The following UGT1A6 variants were observed in gnomAD, a reference collection of about 807,000 sequenced individuals.
UGT1A6 encodes the protein UDP glucuronosyltransferase family 1 member A6.
In UGT1A6, 32 loss-of-function variants were observed where a neutral mutation model predicts 44.4. The observed-to-expected ratio is 0.72, with a 90% CI of 0.54 to 0.97. The LOEUF is 0.97. Ranked by LOEUF, UGT1A6 falls within the 50% of genes least tolerant of loss-of-function variation. UGT1A6 has a pLI of 0.00. For missense variants in UGT1A6, 685 were observed against 661.9 expected (o/e 1.03, Z -0.38); for synonymous variants, 238 against 248.5 (o/e 0.96, Z 0.40).
chr2:233,772,134 T>C (rs1486740901), intron 4 of UGT1A6, 128 bp from the exon 5 acceptor site: 2 of 1,545,866 alleles, frequency 1.3e-6, no homozygotes, highest in Non-Finnish European at 1.7e-6. Flanking sequence ...ACAACAACAA[T>C]AATAGAAACA....
At chr2:233,701,299 TC>T (rs1695147734) in intron 1 of UGT1A6, among the ~76,000 whole-genome samples, 1 of 152,164 alleles carries the variant, frequency 6.6e-6, no homozygotes, top group Non-Finnish European at 1.5e-5. Context: ...CGCCACACTG[TC>T]TTCCACAATG....
intron 1 of UGT1A6, among the ~76,000 whole-genome samples, chr2:233,716,620 A>T (rs1358679333): frequency 6.6e-6 from 1 of 152,166 alleles, no homozygotes; most frequent in East Asian, 1.9e-4. Flanking sequence ...GGTTTATTCT[A>T]GTGAAGTTTT....
chr2:233,702,042 A>T (rs1306276715), intron 1 of UGT1A6, among the ~76,000 whole-genome samples: 3 of 152,222 alleles, frequency 2.0e-5, no homozygotes, highest in South Asian at 2.1e-4. Context: ...CCCTTCAAAA[A>T]ATTAACAATT....
chr2:233,760,803 G>T lies in UGT1A6; in HGVS notation c.862-6231G>T, dbSNP rs748734877. 2.5e-6 allele frequency: 4 copies of T among 1,613,224 alleles called. No individual in the cohort carries two copies. The highest frequency in any genetic ancestry group is 3.3e-5 in the Admixed American group (2 of 59,970). ...TGTCTCTGCCCACTGTATTCTTCTT[G>T]CATGCACTGCCATGCAGCCTGGAAT... On this transcript the variant is annotated intron_variant, in intron 1 of 4. Transcript: ENST00000305139.
At chr2:233,737,526 G>C (rs574961545) in intron 1 of UGT1A6, among the ~76,000 whole-genome samples, 8 of 152,286 alleles carry the variant, frequency 5.3e-5, no homozygotes, top group African/African-American at 1.9e-4. Context: ...GTGAGGCGAC[G>C]CCCTGCCCTG....
In UGT1A6 at chr2:233,768,366, G is replaced by A. The variant is rs36076514; in HGVS notation, c.1228G>A (p.Val410Met). Residue 410 changes from valine (V) to methionine (M), a missense_variant, in exon 4 of 5, where the codon GTG (valine) becomes ATG (methionine). Transcript: ENST00000305139. ...AKRMETKGAG[V>M]TLNVLEMTSE... ...GCGCATGGAGACTAAGGGAGCTGGA[G>A]TGACCCTGAATGTTCTGGAAATGAC... 1 of 1,614,180 alleles carries A rather than the reference G, an allele frequency of 6.2e-7. No individual in the cohort carries two copies. Among genetic ancestry groups the A allele is most frequent in the African/African-American group, 1.3e-5 (1 of 75,048 alleles).
chr2:233,697,900 A>C (rs1250701984), intron 1 of UGT1A6, among the ~76,000 whole-genome samples: 4 of 152,230 alleles, frequency 2.6e-5, no homozygotes, highest in Non-Finnish European at 5.9e-5. Flanking sequence ...AATCAAATCT[A>C]TTGACTCCTT....
intron 1 of UGT1A6, chr2:233,742,608 G>A (rs540595235): frequency 6.6e-6 from 1 of 152,040 alleles, no homozygotes; most frequent in South Asian, 2.1e-4. Context: ...CATAGTTGGA[G>A]AACCACGTTC....
intron 1 of UGT1A6, among the ~76,000 whole-genome samples, chr2:233,701,445 A>G (rs2075628639): frequency 6.6e-6 from 1 of 152,168 alleles, no homozygotes; most frequent in Admixed American, 6.5e-5. Flanking sequence ...CGAGACAGAA[A>G]GTTAACAAGG....
At chr2:233,757,312 G>C (rs1288195448) in intron 1 of UGT1A6, among the ~76,000 whole-genome samples, 2 of 141,204 alleles carry the variant, frequency 1.4e-5, no homozygotes, top group African/African-American at 2.7e-5. Flanking sequence ...GGACAGGGGG[G>C]CTGGGGCCCT....
chr2:233,700,705 T>C (rs955776859), intron 1 of UGT1A6, among the ~76,000 whole-genome samples: 13 of 150,812 alleles, frequency 8.6e-5, no homozygotes, highest in Non-Finnish European at 1.6e-4. Flanking sequence ...ACTTTGAATG[T>C]TTTTTTCTTT....
chr2:233,754,899 C>A, intron 1 of UGT1A6: 2 of 1,352,028 alleles, frequency 1.5e-6, no homozygotes, highest in Non-Finnish European at 2.0e-6. Flanking sequence ...CCTCTGACCC[C>A]CCAAAATATT....
intron 1 of UGT1A6, chr2:233,753,210 T>TAGAC (rs1695156471): frequency 2.0e-5 from 3 of 152,224 alleles, no homozygotes; most frequent in African/African-American, 4.8e-5. Flanking sequence ...ACAGTCTGTC[T>TAGAC]TATTTTGATA....
rs771159962 is a variant in UGT1A6 at position 233,772,481 on chromosome 2, ATGT to A, written c.1525_1527del (p.Cys509del). 1.2e-6 allele frequency: 2 copies of A among 1,614,126 alleles called. No homozygotes were observed. Among genetic ancestry groups the A allele is most frequent in the South Asian group, 1.1e-5 (1 of 91,090 alleles). ...TGACAGTGGCCTTCATCACCTTTAA[ATGT>A]TGTGCTTATGGCTACCGGAAATGCT... On this transcript the variant is annotated inframe_deletion, in exon 5 of 5. Transcript: ENST00000305139.
intron 1 of UGT1A6, among the ~76,000 whole-genome samples, chr2:233,695,417 C>G (rs552700475): frequency 3.1e-4 from 44 of 142,032 alleles, no homozygotes; most frequent in Admixed American, 2.1e-4. Flanking sequence ...AGCTACCGCG[C>G]CCGGCCTTCT....
chr2:233,730,725 A>G (rs1270546313), intron 1 of UGT1A6, among the ~76,000 whole-genome samples: 1 of 152,146 alleles, frequency 6.6e-6, no homozygotes, highest in Admixed American at 6.5e-5. Flanking sequence ...TTATCAAGAA[A>G]TGGCGGAAGG....
At chr2:233,750,117 G>T (rs1441169579) in intron 1 of UGT1A6, among the ~76,000 whole-genome samples, 2 of 151,904 alleles carry the variant, frequency 1.3e-5, no homozygotes, top group East Asian at 1.9e-4. Flanking sequence ...AAGACAGGAA[G>T]ATGTGGGAAA....
chr2:233,747,872 G>C, intron 1 of UGT1A6: 5 of 1,613,496 alleles, frequency 3.1e-6, no homozygotes, highest in Non-Finnish European at 4.2e-6. Context: ...CTCTGGCCCT[G>C]TCCTACCTTT....
chr2:233,727,384 C>A (rs1032238584), intron 1 of UGT1A6, among the ~76,000 whole-genome samples: 2 of 152,144 alleles, frequency 1.3e-5, no homozygotes, highest in African/African-American at 4.8e-5. Context: ...TGGAGTACCA[C>A]CGTCTTCCAA....
Sources: allele counts gnomAD v4.1 joint callset (sites outside exome capture counted in the v4.1 genomes callset), GRCh38; gene constraint gnomAD v4.1.1; transcripts MANE v1.5; gene names NCBI Gene and HGNC (gene_info 2026-07-23, HGNC 2026-07-21).